KITLG: variants seen among roughly 807,000 people sequenced by gnomAD.
KITLG encodes KIT ligand.
KITLG carries 13 observed loss-of-function variants against 34.1 expected under a neutral mutation model. The ratio of observed to expected loss-of-function variants is 0.38; its 90% CI spans 0.25 to 0.61. The LOEUF is 0.61. Among genes scored for constraint, KITLG ranks in the 20% least tolerant of loss-of-function variants. The probability of loss-of-function intolerance (pLI) is 0.60; values close to 1 mark genes in which losing one functional copy is unlikely to be tolerated. For missense variants in KITLG, 292 were observed against 318.9 expected, an observed-to-expected ratio of 0.92 and a Z score of 0.64; for synonymous variants, 110 against 104.0, an observed-to-expected ratio of 1.06 and a Z score of -0.35.
At chr12:88,502,228 GC>G (rs1230059318) in intron 9 of KITLG, among the ~76,000 whole-genome samples, 1 of 152,032 alleles carries the variant, frequency 6.6e-6, no homozygotes, top group Non-Finnish European at 1.5e-5. Context: ...GATAATTCTG[GC>G]TTCTTTAACC....
chr12:88,500,834 C>T (rs1330679470), intron 9 of KITLG, among the ~76,000 whole-genome samples: 5 of 152,156 alleles, frequency 3.3e-5, no homozygotes, highest in Non-Finnish European at 7.4e-5. Flanking sequence ...GGTTGGAATG[C>T]TGTGATTTGA....
intron 3 of KITLG, among the ~76,000 whole-genome samples, chr12:88,531,754 C>G (rs935411558): frequency 6.6e-6 from 1 of 152,034 alleles, no homozygotes; most frequent in African/African-American, 2.4e-5. Flanking sequence ...ATGAGAAAAT[C>G]TGTGGCTAGG....
intron 1 of KITLG, among the ~76,000 whole-genome samples, chr12:88,573,283 T>G (rs1180710455): frequency 1.3e-5 from 2 of 152,170 alleles, no homozygotes; most frequent in African/African-American, 4.8e-5. Flanking sequence ...CAAAGCACAC[T>G]TTCTCTGTCA....
At chr12:88,572,825 C>A (rs1871700508) in intron 1 of KITLG, among the ~76,000 whole-genome samples, 1 of 151,964 alleles carries the variant, frequency 6.6e-6, no homozygotes. Context: ...AAAGCACCAG[C>A]CATTCTCCTA....
chr12:88,498,490 G>A (rs1868725423), intron 9 of KITLG, among the ~76,000 whole-genome samples: 1 of 152,072 alleles, frequency 6.6e-6, no homozygotes, highest in Non-Finnish European at 1.5e-5. Context: ...TATTTTAAAA[G>A]CATGGTTAGA....
chr12:88,537,299 A>T (rs1340551047), intron 2 of KITLG, among the ~76,000 whole-genome samples: 2 of 152,188 alleles, frequency 1.3e-5, no homozygotes, highest in Non-Finnish European at 2.9e-5. Context: ...AGCCACAAAA[A>T]AAAACAATAA....
intron 1 of KITLG, among the ~76,000 whole-genome samples, chr12:88,559,681 T>C (rs1026055190): frequency 6.6e-6 from 1 of 152,228 alleles, no homozygotes; most frequent in African/African-American, 2.4e-5. Flanking sequence ...AAATTTCCCA[T>C]TAGTGTTTCA....
intron 6 of KITLG, among the ~76,000 whole-genome samples, chr12:88,511,476 G>C (rs1869275971): frequency 6.6e-6 from 1 of 152,112 alleles, no homozygotes; most frequent in Non-Finnish European, 1.5e-5. Context: ...CTAAGCTAGG[G>C]AGTCAGAGAT....
intron 1 of KITLG, among the ~76,000 whole-genome samples, chr12:88,558,386 C>T (rs1163611238): frequency 6.6e-6 from 1 of 152,008 alleles, no homozygotes; most frequent in Non-Finnish European, 1.5e-5. Flanking sequence ...TTATACTCTA[C>T]TTTAACTGCT....
At chr12:88,557,810 C>A (rs1190387053) in intron 1 of KITLG, among the ~76,000 whole-genome samples, 1 of 152,116 alleles carries the variant, frequency 6.6e-6, no homozygotes, top group Non-Finnish European at 1.5e-5. Context: ...GACACGGGCA[C>A]CGTTTACTCT....
At chr12:88,511,282 T>G (rs1869267516) in intron 6 of KITLG, among the ~76,000 whole-genome samples, 1 of 152,188 alleles carries the variant, frequency 6.6e-6, no homozygotes, top group East Asian at 1.9e-4. Context: ...CTAGACAAAT[T>G]ATGAGGCAAC....
At chr12:88,556,983 G>A (rs1871117451) in intron 1 of KITLG, among the ~76,000 whole-genome samples, 2 of 152,170 alleles carry the variant, frequency 1.3e-5, no homozygotes, top group Non-Finnish European at 1.5e-5. Context: ...AATCACAGTG[G>A]ATGGACTACA....
chr12:88,562,308 G>A (rs549928638), intron 1 of KITLG, among the ~76,000 whole-genome samples: 2 of 152,328 alleles, frequency 1.3e-5, no homozygotes, highest in African/African-American at 4.8e-5. Context: ...TACATATAAT[G>A]GGGCAGAGAT....
intron 2 of KITLG, among the ~76,000 whole-genome samples, chr12:88,542,684 C>T (rs992804566): frequency 2.0e-5 from 3 of 151,938 alleles, no homozygotes; most frequent in Non-Finnish European, 4.4e-5. Flanking sequence ...ATGGCCTAAG[C>T]AGTCCTGATA....
intron 1 of KITLG, among the ~76,000 whole-genome samples, chr12:88,575,166 CACTT>C (rs1871787198): frequency 2.0e-5 from 3 of 152,302 alleles, no homozygotes; most frequent in Admixed American, 6.5e-5. Flanking sequence ...CACCTAGTCT[CACTT>C]ACTCATTTTA....
In KITLG at chr12:88,554,419, G is replaced by A. The variant is rs560540939; in HGVS notation, c.16-8554C>T. On this transcript the variant is annotated intron_variant, in intron 1 of 9. Transcript: ENST00000644744. Reference sequence around the variant, plus strand: ...TCATTTTCTTTATGCACAGACCTACGAAATGGTATTAGAGCTGCCCTGAAC... The same window carrying A: ...TCATTTTCTTTATGCACAGACCTACAAAATGGTATTAGAGCTGCCCTGAAC... Among the ~76,000 whole-genome samples the A allele has an allele frequency of 3.3e-5, 5 of 152,258 alleles. No individual in the cohort carries two copies. In the East Asian group the frequency reaches 5.8e-4, roughly 18 times the overall value.
chr12:88,538,795 C>A (rs1193489675), intron 2 of KITLG, among the ~76,000 whole-genome samples: 1 of 152,018 alleles, frequency 6.6e-6, no homozygotes, highest in Non-Finnish European at 1.5e-5. Flanking sequence ...GAAAATTTTA[C>A]CAAAGGCCAA....
chr12:88,515,580 G>T lies in KITLG; in HGVS notation c.558C>A (p.Pro186=). ...RVSVTKPFML[P]PVAASSLRND... is the part of the protein sequence containing the mutation. ...TCCTAAGGGAGCTGGCTGCAACAGG[G>T]GGTAACATAAATGGTTTTGTGACAC... The change falls in exon 6 of 10, where the codon CCC becomes CCA. Residue 186 remains proline (P), a synonymous_variant. Coordinates refer to ENST00000644744, the MANE Select transcript of KITLG (RefSeq NM_000899.5). The T allele has an allele frequency of 6.2e-7, 1 of 1,610,972 alleles. No homozygotes were observed. Among genetic ancestry groups the T allele is most frequent in the South Asian group, 1.1e-5 (1 of 91,024 alleles).
chr12:88,555,193 T>A (rs1369304656), intron 1 of KITLG, among the ~76,000 whole-genome samples: 2 of 152,200 alleles, frequency 1.3e-5, no homozygotes, highest in African/African-American at 4.8e-5. Context: ...GAGAAAAATT[T>A]GGGGAAATTC....
Sources: allele counts gnomAD v4.1 joint callset (sites outside exome capture counted in the v4.1 genomes callset), GRCh38; gene constraint gnomAD v4.1.1; transcripts MANE v1.5; gene names NCBI Gene and HGNC (gene_info 2026-07-23, HGNC 2026-07-21).